CDCA7L: variants seen among roughly 807,000 people sequenced by gnomAD.
CDCA7L encodes the protein cell division cycle associated 7 like, also known as cell division cycle-associated 7-like protein.
In CDCA7L, 44 loss-of-function variants were observed where a neutral mutation model predicts 57.4. The observed-to-expected ratio is 0.77, with a 90% CI of 0.60 to 0.98. The LOEUF is 0.98. Among genes scored for constraint, CDCA7L ranks in the 50% least tolerant of loss-of-function variants. The pLI is 0.00. For missense variants in CDCA7L, 644 were observed against 580.6 expected (o/e 1.11, Z -1.12); for synonymous variants, 236 against 202.8 (o/e 1.16, Z -1.39).
At chr7:21,916,931 G>C (rs2128062164) in intron 1 of CDCA7L, 37 bp from the exon 2 acceptor site, 8 of 1,612,088 alleles carry the variant, frequency 5.0e-6, no homozygotes, top group Non-Finnish European at 6.8e-6. Context: ...TTAAACCAGG[G>C]GTTCTTGCTA....
intron 1 of CDCA7L, among the ~76,000 whole-genome samples, chr7:21,926,868 G>C (rs576958900): frequency 6.6e-6 from 1 of 152,154 alleles, no homozygotes; most frequent in Admixed American, 6.5e-5. Context: ...GCAAGACCCT[G>C]GCTCACAACT....
In CDCA7L at chr7:21,945,768, G is replaced by A. The variant is rs752887600; in HGVS notation, c.24+13C>T. 3 of 1,598,808 alleles carry A rather than the reference G, an allele frequency of 1.9e-6. No homozygotes were observed. Among genetic ancestry groups the A allele is most frequent in the Non-Finnish European group, 2.6e-6 (3 of 1,174,152 alleles). On this transcript the variant is annotated intron_variant, in intron 1 of 9. Coordinates refer to ENST00000406877, the MANE Select transcript of CDCA7L (RefSeq NM_018719.5). ...GGGTGCGTCCGGACGGCGGCGGGCG[G>A]CCGGACCCTCACCTGGTAGCGAGTC...
chr7:21,907,008 A>G (rs1785163159), intron 4 of CDCA7L, among the ~76,000 whole-genome samples: 1 of 152,216 alleles, frequency 6.6e-6, no homozygotes, highest in South Asian at 2.1e-4. Context: ...CTCAAGTTTC[A>G]GGATGTTCAA....
chr7:21,911,842 C>T (rs536558365), intron 2 of CDCA7L, 88 bp from the exon 3 acceptor site: 1 of 1,280,792 alleles, frequency 7.8e-7, no homozygotes, highest in South Asian at 1.4e-5. Context: ...TGAACGGGTA[C>T]AGAGCTTCTG....
intron 9 of CDCA7L, 37 bp from the exon 10 acceptor site, chr7:21,902,389 C>G (rs1340581585): frequency 3.8e-6 from 6 of 1,583,846 alleles, no homozygotes; most frequent in Non-Finnish European, 3.5e-6. Context: ...TAAAGTAGTA[C>G]AAATACACAA....
At chr7:21,932,127 A>G (rs997145203) in intron 1 of CDCA7L, among the ~76,000 whole-genome samples, 2 of 152,216 alleles carry the variant, frequency 1.3e-5, no homozygotes, top group Non-Finnish European at 2.9e-5. Context: ...GGAAACTACA[A>G]ACCACTGCTC....
chr7:21,903,205 C>A (rs1253215895), intron 8 of CDCA7L, 91 bp from the exon 9 acceptor site: 1 of 1,228,386 alleles, frequency 8.1e-7, no homozygotes, highest in Non-Finnish European at 1.1e-6. Context: ...CAGCTGGCCT[C>A]TCCTCCAACC....
At chr7:21,929,834 G>A (rs1785950420) in intron 1 of CDCA7L, among the ~76,000 whole-genome samples, 1 of 152,040 alleles carries the variant, frequency 6.6e-6, no homozygotes, top group Non-Finnish European at 1.5e-5. Context: ...AGTTCTTAGA[G>A]ACCTACAAAG....
In CDCA7L at chr7:21,905,668, T is replaced by A. The variant is rs746007145; in HGVS notation, c.922-37A>T. ...ACACAAGCAGAACATGGAGATGTGTTGAGCAGTTATAAAAAAATTATAAAT... is the reference window on the plus strand; with the variant it reads ...ACACAAGCAGAACATGGAGATGTGTAGAGCAGTTATAAAAAAATTATAAAT... On this transcript the variant is annotated intron_variant, in intron 6 of 9. Transcript: ENST00000406877. 9.4e-6 allele frequency: 15 copies of A among 1,587,428 alleles called. No individual in the cohort carries two copies. In the Middle Eastern group the frequency reaches 6.8e-4, roughly 72 times the overall value.
chr7:21,932,342 A>G (rs1379395238), intron 1 of CDCA7L, among the ~76,000 whole-genome samples: 2 of 152,230 alleles, frequency 1.3e-5, no homozygotes, highest in Admixed American at 6.5e-5. Flanking sequence ...CTGTATAGCC[A>G]AGACAATCCT....
At chr7:21,907,485 TAAACA>T (rs1158704156) in intron 4 of CDCA7L, among the ~76,000 whole-genome samples, 1 of 151,032 alleles carries the variant, frequency 6.6e-6, no homozygotes, top group Non-Finnish European at 1.5e-5. Flanking sequence ...AAACTGTAGA[TAAACA>T]ATTATGAAGC....
intron 4 of CDCA7L, among the ~76,000 whole-genome samples, chr7:21,906,992 G>A (rs111562360): frequency 2.0e-5 from 3 of 152,122 alleles, no homozygotes; most frequent in South Asian, 2.1e-4. Context: ...TTTTGCACAC[G>A]TGAGTCTCAA....
In CDCA7L at chr7:21,935,746, C is replaced by T. The variant is rs368631186; in HGVS notation, c.24+10035G>A. On this transcript the variant is annotated intron_variant, in intron 1 of 9. Transcript: ENST00000406877. ...AGGACTGGCCAGGCGCTGTGGCTCA[C>T]GCCTGTAATCCCAACACTTTGAGAG... 1.1e-4 allele frequency among the ~76,000 whole-genome samples: 16 copies of T among 152,296 alleles called. No homozygotes were observed. In the East Asian group the frequency reaches 1.2e-3, roughly 11 times the overall value.
At chr7:21,930,217 A>G (rs1202409705) in intron 1 of CDCA7L, among the ~76,000 whole-genome samples, 1 of 152,220 alleles carries the variant, frequency 6.6e-6, no homozygotes, top group Non-Finnish European at 1.5e-5. Context: ...CTGAATGACT[A>G]CAGGGTAACT....
At chr7:21,933,618 A>G (rs1445661525) in intron 1 of CDCA7L, among the ~76,000 whole-genome samples, 1 of 152,168 alleles carries the variant, frequency 6.6e-6, no homozygotes, top group East Asian at 1.9e-4. Flanking sequence ...ACACATGGAC[A>G]TGGGAAGAGG....
chr7:21,914,468 G>C (rs948141753), intron 2 of CDCA7L, among the ~76,000 whole-genome samples: 8 of 152,208 alleles, frequency 5.3e-5, no homozygotes, highest in Non-Finnish European at 1.0e-4. Flanking sequence ...AGAAAATCCA[G>C]TAAGACTTCA....
intron 9 of CDCA7L, chr7:21,902,720 T>TCATACACCTCAAGG (rs1784967579): frequency 1.0e-5 from 5 of 500,398 alleles, no homozygotes; most frequent in Non-Finnish European, 1.1e-5. Context: ...TCCATTTCTG[T>TCATACACCTCAAGG]CATACACCTC....
At chr7:21,944,747 C>G (rs1391340829) in intron 1 of CDCA7L, 1 of 152,138 alleles carries the variant, frequency 6.6e-6, no homozygotes, top group African/African-American at 2.4e-5. Flanking sequence ...GCCGGGCACT[C>G]TGCGCCTTCC....
chr7:21,908,209 T>C lies in CDCA7L; in HGVS notation c.602A>G (p.Asp201Gly), dbSNP rs761198537. The C allele has an allele frequency of 5.0e-6, 8 of 1,611,398 alleles. No individual in the cohort carries two copies. Among genetic ancestry groups the C allele is most frequent in the Admixed American group, 1.7e-5 (1 of 59,478 alleles). ...QREDSTSESE[D>G]DSRDESQESS... ...CTCCTGGCTCTCATCCCGAGAGTCA[T>C]CCTCAGACTCAGAGGTAGAATCTTC... Residue 201 changes from aspartate (D) to glycine (G), a missense_variant, in exon 4 of 10, where the codon GAT becomes GGT. By Grantham distance (94) the Asp-to-Gly change is moderately conservative (BLOSUM62 -1). Coordinates refer to ENST00000406877, the MANE Select transcript of CDCA7L (RefSeq NM_018719.5).
Sources: gnomAD v4.1 joint callset for allele counts (sites outside exome capture counted in the v4.1 genomes callset) on GRCh38, gnomAD v4.1.1 for gene constraint, MANE v1.5 for transcripts, NCBI Gene and HGNC (gene_info 2026-07-23, HGNC 2026-07-21) for gene names.